EFHB: variants seen among roughly 807,000 people sequenced by gnomAD.
EFHB encodes EF-hand domain-containing family member B.
In EFHB, 91 loss-of-function variants were observed where a neutral mutation model predicts 87.2. The observed-to-expected ratio is 1.04, with a 90% CI of 0.88 to 1.24. EFHB has a LOEUF of 1.24. Ranked by LOEUF, EFHB falls within the 50% of genes most tolerant of loss-of-function variation. The pLI is 0.00. For missense variants in EFHB, 1,084 were observed against 998.8 expected (o/e 1.09, Z -1.15); for synonymous variants, 325 against 333.6 (o/e 0.97, Z 0.28).
At chr3:19,889,325 A>C (rs1694220157) in intron 9 of EFHB, among the ~76,000 whole-genome samples, 1 of 152,146 alleles carries the variant, frequency 6.6e-6, no homozygotes, top group Non-Finnish European at 1.5e-5. Flanking sequence ...ACATCTTAGC[A>C]CTCAGTCCCT....
At chr3:19,904,545 C>T (rs1394106239) in intron 6 of EFHB, among the ~76,000 whole-genome samples, 2 of 152,196 alleles carry the variant, frequency 1.3e-5, no homozygotes, top group Non-Finnish European at 1.5e-5. Context: ...GTTGGCATTA[C>T]TTCGCATTCC....
At chr3:19,937,220 T>A (rs1696045645), upstream of EFHB, among the ~76,000 whole-genome samples, 1 of 152,128 alleles carries the variant, frequency 6.6e-6, no homozygotes, top group Admixed American at 6.5e-5. Flanking sequence ...TTAATATAAA[T>A]ATTCTTCTCC....
upstream of EFHB, chr3:19,936,210 C>G (rs760404486): frequency 2.1e-6 from 2 of 941,806 alleles, no homozygotes; most frequent in South Asian, 2.8e-5. Flanking sequence ...ATTAGCCCAG[C>G]GTGGTGGCTC....
In EFHB at chr3:19,896,835, C is replaced by T. The variant is rs147813419; in HGVS notation, c.1577G>A (p.Gly526Asp). 0.013 allele frequency: 21,447 copies of T among 1,611,468 alleles called. 202 individuals carry two copies. The highest frequency in any genetic ancestry group is 0.025 in the South Asian group (2,241 of 90,932). ...ACLRPEEYGVGDLIHNRLPDE... is the reference protein window; with the variant it reads ...ACLRPEEYGVDDLIHNRLPDE... ...CGGAAGTCTATTATGGATGAGATCA[C>T]CAACTCCTATTGAAGAGAGAAAAAA... is the stretch of plus-strand genomic sequence containing the variant. Residue 526 changes from glycine (G) to aspartate (D), a missense_variant, in exon 9 of 13, where the codon GGT becomes GAT. Coordinates refer to ENST00000295824, the MANE Select transcript of EFHB (RefSeq NM_144715.4).
At chr3:19,938,961 C>T (rs1696085118), upstream of EFHB, among the ~76,000 whole-genome samples, 1 of 152,150 alleles carries the variant, frequency 6.6e-6, no homozygotes, top group African/African-American at 2.4e-5. Flanking sequence ...GGCTGCAGTG[C>T]AGTGGCACAA....
intron 9 of EFHB, among the ~76,000 whole-genome samples, chr3:19,896,205 A>G (rs1355680407): frequency 6.6e-6 from 1 of 152,182 alleles, no homozygotes; most frequent in Non-Finnish European, 1.5e-5. Flanking sequence ...TTAATAATCC[A>G]TAACAGTGGT....
chr3:19,944,696 C>T (rs1365954635), intron 1 of EFHB, among the ~76,000 whole-genome samples: 2 of 152,096 alleles, frequency 1.3e-5, no homozygotes, highest in African/African-American at 4.8e-5. Context: ...TAAACAGGAA[C>T]GAGTGAAGAA....
chr3:19,929,120 C>G lies in EFHB; in HGVS notation c.789+4110G>C, dbSNP rs1295944476. Among the ~76,000 whole-genome samples the G allele has an allele frequency of 3.3e-5, 5 of 151,920 alleles. No homozygotes were observed. The East Asian group carries it at 9.7e-4, about 29-fold the overall frequency. On this transcript the variant is annotated intron_variant, in intron 1 of 12. Transcript: ENST00000295824. ...TTAGGAAGAGATTTGGCAATAGAAACTAGAAAAAGATCCATGCTTTTGGCT... is the reference window on the plus strand; with the variant it reads ...TTAGGAAGAGATTTGGCAATAGAAAGTAGAAAAAGATCCATGCTTTTGGCT...
intron 6 of EFHB, among the ~76,000 whole-genome samples, chr3:19,899,755 C>T (rs1383480445): frequency 3.9e-5 from 6 of 152,096 alleles, no homozygotes; most frequent in African/African-American, 1.4e-4. Flanking sequence ...ATAAATAAAA[C>T]AAGGTGTTAA....
At chr3:19,902,092 T>C (rs891332082) in intron 6 of EFHB, among the ~76,000 whole-genome samples, 2 of 152,208 alleles carry the variant, frequency 1.3e-5, no homozygotes, top group African/African-American at 4.8e-5. Context: ...GAAGTATCTG[T>C]GGGCAACCAT....
chr3:19,941,254 G>T, intron 1 of EFHB: 1 of 293,134 alleles, frequency 3.4e-6, no homozygotes. Context: ...TCACAGAACA[G>T]GTCAGCATTC....
At chr3:19,895,411 G>A (rs1694447737) in intron 9 of EFHB, among the ~76,000 whole-genome samples, 1 of 151,814 alleles carries the variant, frequency 6.6e-6, no homozygotes, top group South Asian at 2.1e-4. Flanking sequence ...AACCCGGGAG[G>A]CGGAGCTTGC....
At chr3:19,891,088 A>C (rs1441018196) in intron 9 of EFHB, among the ~76,000 whole-genome samples, 2 of 150,240 alleles carry the variant, frequency 1.3e-5, no homozygotes, top group African/African-American at 5.0e-5. Context: ...TGCTGCTGAG[A>C]CAGGCTATCA....
upstream of EFHB, among the ~76,000 whole-genome samples, chr3:19,936,687 G>T (rs1234551384): frequency 6.6e-6 from 1 of 151,354 alleles, no homozygotes; most frequent in South Asian, 2.1e-4. Context: ...GACCAACATG[G>T]TGAAACCCTC....
intron 1 of EFHB, among the ~76,000 whole-genome samples, chr3:19,921,819 A>G (rs990916416): frequency 6.6e-6 from 1 of 152,158 alleles, no homozygotes; most frequent in Non-Finnish European, 1.5e-5. Flanking sequence ...CACTAATACC[A>G]GGGAATATTG....
At chr3:19,908,562 A>AAGAGAGAGAGAGAGAGAGAGAG (rs71624361) in intron 5 of EFHB, among the ~76,000 whole-genome samples, 3 of 83,892 alleles carry the variant, frequency 3.6e-5, no homozygotes, top group South Asian at 5.6e-4. Flanking sequence ...GAAAGAGAGA[A>AAGAGAGAGAGAGAGAGAGAGAG]AGAGAGAGAG....
intron 5 of EFHB, among the ~76,000 whole-genome samples, chr3:19,907,601 A>G (rs1184520691): frequency 6.6e-6 from 1 of 152,230 alleles, no homozygotes; most frequent in Non-Finnish European, 1.5e-5. Context: ...CATTTACCTC[A>G]TATTAGAAAC....
intron 6 of EFHB, among the ~76,000 whole-genome samples, chr3:19,903,370 A>G (rs2929378): frequency 0.37 from 56,568 of 151,864 alleles, 10,715 homozygotes; most frequent in South Asian, 0.44. Context: ...TGAGGACCAC[A>G]TTGTTGTTAA....
chr3:19,898,265 G>A (rs1694551142), intron 8 of EFHB, among the ~76,000 whole-genome samples: 1 of 152,198 alleles, frequency 6.6e-6, no homozygotes, highest in South Asian at 2.1e-4. Context: ...TAATTATGTG[G>A]TTGTAGAGTA....
Sources: allele counts gnomAD v4.1 joint callset (sites outside exome capture counted in the v4.1 genomes callset), GRCh38; gene constraint gnomAD v4.1.1; transcripts MANE v1.5; gene names NCBI Gene and HGNC (gene_info 2026-07-23, HGNC 2026-07-21).